Variants in CAPN13 observed in about 807,000 individuals in gnomAD.
The protein encoded by CAPN13 is calpain 13.
A neutral mutation model predicts 98.4 loss-of-function variants in CAPN13; 90 were observed. The observed-to-expected ratio is 0.92, with a 90% CI of 0.77 to 1.09. CAPN13 has a LOEUF of 1.09. Among genes scored for constraint, CAPN13 ranks in the 50% least tolerant of loss-of-function variants. The probability of loss-of-function intolerance (pLI) is 0.00; values close to 1 mark genes in which losing one functional copy is unlikely to be tolerated. For synonymous variants in CAPN13, 330 were observed against 305.5 expected (o/e 1.08, Z -0.84); for missense variants, 887 against 841.3 (o/e 1.05, Z -0.67).
chr2:30,726,785 C>T (rs959877336), intron 22 of CAPN13, among the ~76,000 whole-genome samples: 7 of 151,976 alleles, frequency 4.6e-5, no homozygotes, highest in Admixed American at 3.9e-4. Context: ...GGCAATATTC[C>T]CCAGATTGAC....
chr2:30,786,093 T>C (rs1321939200), intron 2 of CAPN13, among the ~76,000 whole-genome samples: 1 of 152,162 alleles, frequency 6.6e-6, no homozygotes, highest in Non-Finnish European at 1.5e-5. Context: ...CAGAACTGAA[T>C]TAGATATCCA....
Position 30,776,050 on chromosome 2 carries a change from G to C in CAPN13, c.272-5C>G. 1 of 1,601,640 alleles carries C rather than the reference G, an allele frequency of 6.2e-7. No homozygotes were observed. Among genetic ancestry groups the C allele is most frequent in the Non-Finnish European group, 8.5e-7 (1 of 1,171,692 alleles). On this transcript the variant is annotated splice_region_variant and splice_polypyrimidine_tract_variant and intron_variant, in intron 3 of 22. Coordinates refer to ENST00000295055, the MANE Select transcript of CAPN13 (RefSeq NM_144575.3). The stretch of plus-strand genomic sequence containing the variant: ...CTGCCAGGAACCAGCAGTCAGCTGT[G>C]AGGGGAGATAAGCCAGGAAAGGCTG...
At chr2:30,803,752 C>T (rs1675435403) in intron 1 of CAPN13, among the ~76,000 whole-genome samples, 1 of 152,186 alleles carries the variant, frequency 6.6e-6, no homozygotes, top group African/African-American at 2.4e-5. Context: ...CAATTTGGAT[C>T]TCTTTATTCA....
chr2:30,798,352 G>A (rs188622948), intron 1 of CAPN13, among the ~76,000 whole-genome samples: 42 of 152,246 alleles, frequency 2.8e-4, no homozygotes, highest in African/African-American at 9.4e-4. Flanking sequence ...GACTCTACAC[G>A]GGGTCCCAGG....
chr2:30,784,635 T>G (rs1457172135), intron 2 of CAPN13, among the ~76,000 whole-genome samples: 10 of 152,166 alleles, frequency 6.6e-5, no homozygotes, highest in African/African-American at 2.4e-4. Context: ...GAGCCCAGAA[T>G]AGGACATAAG....
At chr2:30,744,112 C>CAATAAATATA (rs1671795194) in intron 12 of CAPN13, among the ~76,000 whole-genome samples, 1 of 152,136 alleles carries the variant, frequency 6.6e-6, no homozygotes, top group Non-Finnish European at 1.5e-5. Context: ...AGAGATAAAA[C>CAATAAATATA]AATAAATATA....
intron 20 of CAPN13, among the ~76,000 whole-genome samples, chr2:30,732,221 G>A (rs940230702): frequency 2.6e-5 from 4 of 152,170 alleles, no homozygotes; most frequent in African/African-American, 9.7e-5. Context: ...GGGTGATGAG[G>A]AAAAGAGACC....
At chr2:30,736,594 A>G in intron 17 of CAPN13, 23 bp from the exon 18 acceptor site, 1 of 1,613,052 alleles carries the variant, frequency 6.2e-7, no homozygotes, top group Non-Finnish European at 8.5e-7. Context: ...TTAAGAGTGA[A>G]CCAGCCAGCG....
intron 1 of CAPN13, among the ~76,000 whole-genome samples, chr2:30,796,177 T>TATATACACACAC (rs1281269053): frequency 0.014 from 1,991 of 145,752 alleles, 61 homozygotes; most frequent in African/African-American, 0.049. Context: ...TGTGTGTATA[T>TATATACACACAC]ATATATACAT....
intron 4 of CAPN13, among the ~76,000 whole-genome samples, chr2:30,770,678 GA>G (rs770317305): frequency 1.3e-5 from 2 of 152,216 alleles, no homozygotes; most frequent in Non-Finnish European, 2.9e-5. Context: ...TATAGTCAGG[GA>G]AGAAGCAGAC....
In CAPN13 at chr2:30,733,689, C is replaced by T. The variant is rs527436560; in HGVS notation, c.1798+760G>A. ...GGAGGATCCAGGCTACAGGTGGGGG[C>T]AACGGTCTGATCTTTCTGCCCTGTC... is the stretch of plus-strand genomic sequence containing the variant. On this transcript the variant is annotated intron_variant, in intron 19 of 22. Coordinates refer to ENST00000295055, the MANE Select transcript of CAPN13 (RefSeq NM_144575.3). Among the ~76,000 whole-genome samples the T allele has an allele frequency of 6.6e-5, 10 of 152,202 alleles. No homozygotes were observed. The East Asian group carries it at 1.9e-3, about 29-fold the overall frequency.
chr2:30,738,489 A>T (rs759746062), intron 15 of CAPN13, 32 bp from the exon 16 acceptor site: 5 of 1,581,472 alleles, frequency 3.2e-6, no homozygotes, highest in Middle Eastern at 1.7e-4. Context: ...TGCAGGAATT[A>T]TATCAGTGCC....
chr2:30,730,645 G>A, intron 22 of CAPN13, 85 bp downstream of exon 22: 6 of 728,076 alleles, frequency 8.2e-6, no homozygotes, highest in Admixed American at 1.9e-5. Context: ...GCTCTCCCAA[G>A]GAGAGAGTCT....
At chr2:30,797,067 G>A (rs1371730953) in intron 1 of CAPN13, among the ~76,000 whole-genome samples, 1 of 152,174 alleles carries the variant, frequency 6.6e-6, no homozygotes, top group Admixed American at 6.5e-5. Context: ...CGGGCGGGAG[G>A]CAGTCCAGCT....
rs986280460 is a variant in CAPN13 at position 30,760,819 on chromosome 2, T to C, written c.774+2263A>G. On this transcript the variant is annotated intron_variant, in intron 7 of 22. Coordinates refer to ENST00000295055, the MANE Select transcript of CAPN13 (RefSeq NM_144575.3). ...GGGGTCACACGCGAGGCCAAGGCCATGGCTACACCTGAGAATGGGCCAGCC... is the reference window on the plus strand; with the variant it reads ...GGGGTCACACGCGAGGCCAAGGCCACGGCTACACCTGAGAATGGGCCAGCC... Among the ~76,000 whole-genome samples, 100 of 152,310 alleles carry C rather than the reference T, an allele frequency of 6.6e-4. 1 individual carries two copies. The highest frequency in any genetic ancestry group is 6.0e-3 in the Admixed American group (91 of 15,292).
chr2:30,799,805 G>A (rs1474990264), intron 1 of CAPN13, among the ~76,000 whole-genome samples: 3 of 152,232 alleles, frequency 2.0e-5, no homozygotes, highest in East Asian at 1.9e-4. Context: ...CAGGCGCAGT[G>A]GTTCACTCCT....
At position 30,734,491 on chromosome 2, in the gene CAPN13, C is replaced by T. The variant is rs1199620232; in HGVS notation, c.1756G>A (p.Val586Ile). 6.2e-7 allele frequency: 1 copy of T among 1,613,984 alleles called. No homozygotes were observed. Among genetic ancestry groups the T allele is most frequent in the Admixed American group, 1.7e-5 (1 of 60,024 alleles). Residue 586 changes from valine (V) to isoleucine (I), a missense_variant, in exon 19 of 23, where the codon GTC (valine) becomes ATC (isoleucine). Transcript: ENST00000295055. ...TTCCACAAGTCCGAGCTCAGGAGGA[C>T]TCCAGGGCTTGTCTGAACCTTCTGG... ...VFQKVQTSPG[V>I]LLSSDLWKAI...
At chr2:30,765,352 C>T (rs1673058623) in intron 5 of CAPN13, among the ~76,000 whole-genome samples, 1 of 152,238 alleles carries the variant, frequency 6.6e-6, no homozygotes, top group Non-Finnish European at 1.5e-5. Context: ...GAGCCACACT[C>T]ACTGCTGCCT....
chr2:30,780,030 T>A (rs1217126702), intron 2 of CAPN13, among the ~76,000 whole-genome samples: 1 of 152,180 alleles, frequency 6.6e-6, no homozygotes, highest in African/African-American at 2.4e-5. Context: ...TGCCAATCAA[T>A]TAAAAAATCT....
Sources: allele counts gnomAD v4.1 joint callset (sites outside exome capture counted in the v4.1 genomes callset), GRCh38; gene constraint gnomAD v4.1.1; transcripts MANE v1.5; gene names NCBI Gene and HGNC (gene_info 2026-07-23, HGNC 2026-07-21).